The following ADGRL3 variants were observed in gnomAD, a reference collection of about 807,000 sequenced individuals.
ADGRL3 encodes adhesion G protein-coupled receptor L3, also known as calcium-independent alpha-latrotoxin receptor 3.
ADGRL3 carries 62 observed loss-of-function variants against 153.5 expected under a neutral mutation model. That is an observed-to-expected ratio of 0.40 (90% CI 0.33 to 0.50). ADGRL3 has a LOEUF of 0.50. ADGRL3 is among the 20% of genes least tolerant of loss of function. The pLI is 0.47. For synonymous variants in ADGRL3, 710 were observed against 672.5 expected, an observed-to-expected ratio of 1.06 and a Z score of -0.86; for missense variants, 1,641 against 1,859.4, an observed-to-expected ratio of 0.88 and a Z score of 2.16.
intron 9 of ADGRL3, among the ~76,000 whole-genome samples, chr4:61,858,378 T>G (rs528261990): frequency 6.6e-6 from 1 of 152,244 alleles, no homozygotes. Context: ...ATCCCAGCAC[T>G]TTGGGAGGCC....
intron 2 of ADGRL3, among the ~76,000 whole-genome samples, chr4:61,456,638 A>G (rs990594743): frequency 6.6e-5 from 10 of 151,586 alleles, no homozygotes; most frequent in Middle Eastern, 3.4e-3. Context: ...AGAAGTAAGT[A>G]CAAAATGATA....
At chr4:61,548,661 C>T (rs1411077689) in intron 4 of ADGRL3, among the ~76,000 whole-genome samples, 2 of 152,000 alleles carry the variant, frequency 1.3e-5, no homozygotes, top group Non-Finnish European at 2.9e-5. Flanking sequence ...TAATATCATG[C>T]TTTTTTGATT....
intron 1 of ADGRL3, among the ~76,000 whole-genome samples, chr4:61,285,182 G>A (rs1403232190): frequency 1.3e-5 from 2 of 151,704 alleles, no homozygotes; most frequent in African/African-American, 2.4e-5. Flanking sequence ...TCGTATCACT[G>A]GGTGCTAATT....
chr4:61,448,572 A>T (rs1342676487), intron 2 of ADGRL3, among the ~76,000 whole-genome samples: 1 of 152,156 alleles, frequency 6.6e-6, no homozygotes, highest in African/African-American at 2.4e-5. Context: ...TTGGAACACT[A>T]CAGCATATTC....
At chr4:61,633,182 C>G (rs1371111920) in intron 5 of ADGRL3, among the ~76,000 whole-genome samples, 1 of 148,244 alleles carries the variant, frequency 6.7e-6, no homozygotes, top group Non-Finnish European at 1.5e-5. Context: ...TTTTCTTACT[C>G]TCTTATTATT....
At chr4:61,521,588 C>G (rs151055265) in intron 4 of ADGRL3, among the ~76,000 whole-genome samples, 3 of 152,076 alleles carry the variant, frequency 2.0e-5, no homozygotes, top group Non-Finnish European at 4.4e-5. Flanking sequence ...CGAGTCTGTT[C>G]TATTGGTGGG....
chr4:61,549,322 C>G (rs113858377), intron 4 of ADGRL3, among the ~76,000 whole-genome samples: 1 of 151,906 alleles, frequency 6.6e-6, no homozygotes, highest in Non-Finnish European at 1.5e-5. Context: ...TTTTTCTTGC[C>G]TGATTGTTGT....
intron 1 of ADGRL3, among the ~76,000 whole-genome samples, chr4:61,353,024 T>A (rs2151354357): frequency 6.6e-6 from 1 of 152,206 alleles, no homozygotes; most frequent in South Asian, 2.1e-4. Context: ...GGTTCGAAAA[T>A]CCTATGAAAG....
intron 19 of ADGRL3, among the ~76,000 whole-genome samples, chr4:61,993,540 C>G (rs1338132841): frequency 2.0e-5 from 3 of 151,928 alleles, no homozygotes; most frequent in Non-Finnish European, 4.4e-5. Context: ...GATCTACCCA[C>G]CTCGGCCTCC....
At chr4:61,437,575 T>C (rs2097464502) in intron 2 of ADGRL3, among the ~76,000 whole-genome samples, 1 of 152,224 alleles carries the variant, frequency 6.6e-6, no homozygotes, top group African/African-American at 2.4e-5. Context: ...TTCTAACTGA[T>C]TTAAATTTTC....
chr4:61,647,816 C>A (rs2094090970), intron 5 of ADGRL3, among the ~76,000 whole-genome samples: 1 of 151,758 alleles, frequency 6.6e-6, no homozygotes, highest in South Asian at 2.1e-4. Flanking sequence ...TATTAATAGC[C>A]CTTTATTTTA....
At chr4:61,722,139 TAGTA>T (rs1379571513) in intron 6 of ADGRL3, among the ~76,000 whole-genome samples, 2 of 152,164 alleles carry the variant, frequency 1.3e-5, no homozygotes, top group East Asian at 1.9e-4. Flanking sequence ...TAAAATAAAG[TAGTA>T]AGTAATGTGA....
chr4:61,620,557 C>A (rs2149822035), intron 5 of ADGRL3, among the ~76,000 whole-genome samples: 1 of 150,962 alleles, frequency 6.6e-6, no homozygotes, highest in African/African-American at 2.4e-5. Flanking sequence ...CTCTTTCCTT[C>A]ACTTCTTAAA....
intron 8 of ADGRL3, among the ~76,000 whole-genome samples, chr4:61,811,106 A>G (rs7654504): frequency 0.053 from 8,138 of 152,200 alleles, 366 homozygotes; most frequent in African/African-American, 0.12. Flanking sequence ...TACCCATAAC[A>G]TTACCATATG....
At chr4:61,850,111 G>A (rs1001087868) in intron 9 of ADGRL3, among the ~76,000 whole-genome samples, 2 of 152,074 alleles carry the variant, frequency 1.3e-5, no homozygotes, top group African/African-American at 4.8e-5. Context: ...CACAAACAGT[G>A]CTTTAACTAA....
intron 11 of ADGRL3, among the ~76,000 whole-genome samples, chr4:61,908,631 G>A (rs1305393732): frequency 2.0e-5 from 3 of 149,564 alleles, no homozygotes; most frequent in Admixed American, 6.7e-5. Context: ...AAAAGTCTCT[G>A]GAAAGTGAGA....
At chr4:61,649,657 G>A (rs2094174966) in intron 5 of ADGRL3, among the ~76,000 whole-genome samples, 1 of 152,050 alleles carries the variant, frequency 6.6e-6, no homozygotes, top group African/African-American at 2.4e-5. Context: ...TTATCATTTT[G>A]CATCCTTGTT....
In ADGRL3 at chr4:62,027,000, C is replaced by A. The variant is rs546917545; in HGVS notation, c.3396-1855C>A. Among the ~76,000 whole-genome samples, 38 of 151,954 alleles carry A rather than the reference C, an allele frequency of 2.5e-4. No individual in the cohort carries two copies. In the South Asian group the frequency reaches 7.9e-3, roughly 32 times the overall value. ...TTTGTAGAGCATTTTTGCATGGATG[C>A]CTATGTGTCAACCTCTGTAACTTTC... On this transcript the variant is annotated intron_variant, in intron 21 of 26. Coordinates refer to ENST00000683033, the MANE Select transcript of ADGRL3 (RefSeq NM_001387552.1).
Position 61,811,502 on chromosome 4 carries a change from C to T in ADGRL3, c.1400-2307C>T, listed in dbSNP as rs553225571. ...ATATGGCTTGGGAGGAAATGAGGAG[C>T]GACTACTAATGAACTTAGGATTTCT... On this transcript the variant is annotated intron_variant, in intron 8 of 26. Transcript: ENST00000683033. 9.2e-5 allele frequency among the ~76,000 whole-genome samples: 14 copies of T among 151,858 alleles called. No individual in the cohort carries two copies. The East Asian group carries it at 2.5e-3, about 27-fold the overall frequency.
Sources: gnomAD v4.1 joint callset for allele counts (sites outside exome capture counted in the v4.1 genomes callset) on GRCh38, gnomAD v4.1.1 for gene constraint, MANE v1.5 for transcripts, NCBI Gene and HGNC (gene_info 2026-07-23, HGNC 2026-07-21) for gene names.